The following ENTREP2 variants were observed in gnomAD, a reference collection of about 807,000 sequenced individuals.
The protein encoded by ENTREP2 is protein ENTREP2.
At chr15:29,599,871 C>A in the ENTREP2 span, among the ~76,000 whole-genome samples, 2 of 152,234 alleles carry the variant, frequency 1.3e-5, no homozygotes, top group African/African-American at 2.4e-5. Context: ...AAGAGCCGAG[C>A]AGCAGCCCTG....
the ENTREP2 span, among the ~76,000 whole-genome samples, chr15:29,440,804 G>A: frequency 1.3e-5 from 2 of 152,014 alleles, no homozygotes; most frequent in Admixed American, 6.6e-5. Context: ...TCCAGGGCCC[G>A]CTCCAGGGGT....
At chr15:29,175,585 A>C in the ENTREP2 span, among the ~76,000 whole-genome samples, 10 of 152,150 alleles carry the variant, frequency 6.6e-5, no homozygotes, top group African/African-American at 2.4e-4. Context: ...TGGGACAGGA[A>C]CGCTGATGTT....
At chr15:29,134,223 C>G in the ENTREP2 span, among the ~76,000 whole-genome samples, 1 of 152,216 alleles carries the variant, frequency 6.6e-6, no homozygotes, top group Non-Finnish European at 1.5e-5. Flanking sequence ...GGTCCCAGCT[C>G]AGCTTTATAA....
At chr15:29,398,473 C>T in the ENTREP2 span, among the ~76,000 whole-genome samples, 1 of 152,008 alleles carries the variant, frequency 6.6e-6, no homozygotes, top group African/African-American at 2.4e-5. Flanking sequence ...CCTGTAATGC[C>T]AGCACTTTGG....
the ENTREP2 span, among the ~76,000 whole-genome samples, chr15:29,356,594 C>T: frequency 2.5e-4 from 38 of 151,648 alleles, no homozygotes; most frequent in African/African-American, 7.5e-4. Context: ...AGTGAGCCAC[C>T]GCGCCTGGCC....
the ENTREP2 span, among the ~76,000 whole-genome samples, chr15:29,523,038 A>AC: frequency 6.6e-6 from 1 of 152,214 alleles, no homozygotes; most frequent in Non-Finnish European, 1.5e-5. Context: ...CATGCCAAGC[A>AC]CTGTGTTCAT....
the ENTREP2 span, among the ~76,000 whole-genome samples, chr15:29,224,827 G>A: frequency 6.6e-6 from 1 of 152,340 alleles, no homozygotes; most frequent in African/African-American, 2.4e-5. Context: ...CATGGGACTG[G>A]GCACCGTGGA....
the ENTREP2 span, among the ~76,000 whole-genome samples, chr15:29,137,592 T>C: frequency 8.5e-5 from 13 of 152,114 alleles, no homozygotes; most frequent in Non-Finnish European, 1.8e-4. Flanking sequence ...CCCAGCACTT[T>C]GTGAGGCCGA....
the ENTREP2 span, chr15:29,122,718 T>G: frequency 6.6e-6 from 1 of 152,222 alleles, no homozygotes; most frequent in Non-Finnish European, 1.5e-5. Flanking sequence ...GGGGCCGGGC[T>G]ATGGCAGAGG....
At chr15:29,524,623 C>G in the ENTREP2 span, among the ~76,000 whole-genome samples, 1 of 152,340 alleles carries the variant, frequency 6.6e-6, no homozygotes, top group Non-Finnish European at 1.5e-5. Flanking sequence ...AACCTGGGCA[C>G]TCAGCCGTGC....
the ENTREP2 span, among the ~76,000 whole-genome samples, chr15:29,455,020 T>A: frequency 6.6e-6 from 1 of 152,128 alleles, no homozygotes; most frequent in Admixed American, 6.6e-5. Flanking sequence ...CCACCTGGGG[T>A]AGCTCAGCTT....
chr15:29,551,280 G>A, the ENTREP2 span, among the ~76,000 whole-genome samples: 1 of 152,202 alleles, frequency 6.6e-6, no homozygotes, highest in Admixed American at 6.5e-5. Context: ...GTAGGCAGCA[G>A]TGGCAAAGCT....
chr15:29,174,599 G>C, the ENTREP2 span, among the ~76,000 whole-genome samples: 1 of 151,942 alleles, frequency 6.6e-6, no homozygotes, highest in African/African-American at 2.4e-5. Context: ...TGAGGCAGGA[G>C]AATGGCCTGA....
the ENTREP2 span, among the ~76,000 whole-genome samples, chr15:29,624,137 T>C: frequency 1.3e-5 from 2 of 152,242 alleles, no homozygotes; most frequent in African/African-American, 2.4e-5. Context: ...CGACTTGGTT[T>C]ATCCACGTTT....
chr15:29,255,765 G>A, the ENTREP2 span, among the ~76,000 whole-genome samples: 2 of 152,060 alleles, frequency 1.3e-5, no homozygotes, highest in South Asian at 4.1e-4. Context: ...ACTTTGGGGG[G>A]TCGAGGCGGG....
chr15:29,409,683 G>A, the ENTREP2 span, among the ~76,000 whole-genome samples: 1 of 150,970 alleles, frequency 6.6e-6, no homozygotes, highest in Non-Finnish European at 1.5e-5. Flanking sequence ...GGCTGGTCTT[G>A]AACACCCTGG....
At chr15:29,654,730 A>C in the ENTREP2 span, among the ~76,000 whole-genome samples, 1 of 152,218 alleles carries the variant, frequency 6.6e-6, no homozygotes, top group African/African-American at 2.4e-5. Context: ...GGCTAAAAAA[A>C]ATTAGCCTGA....
At chr15:29,581,527 T>C in the ENTREP2 span, among the ~76,000 whole-genome samples, 1 of 152,164 alleles carries the variant, frequency 6.6e-6, no homozygotes, top group African/African-American at 2.4e-5. Context: ...ATCTGGGTAC[T>C]GTGGCCCAGC....
the ENTREP2 span, among the ~76,000 whole-genome samples, chr15:29,634,691 G>C: frequency 6.6e-6 from 1 of 152,214 alleles, no homozygotes; most frequent in African/African-American, 2.4e-5. Context: ...CTAGATACCA[G>C]CAACAAGTCC....
Sources: allele counts gnomAD v4.1 joint callset (sites outside exome capture counted in the v4.1 genomes callset), GRCh38; gene constraint gnomAD v4.1.1; transcripts MANE v1.5; gene names NCBI Gene and HGNC (gene_info 2026-07-23, HGNC 2026-07-21).